Variants in SPMIP2 observed in about 807,000 individuals in gnomAD.
SPMIP2 encodes the protein sperm microtubule inner protein 2, also known as protein SPMIP2.
chr4:158,972,205 T>C, the SPMIP2 span, among the ~76,000 whole-genome samples: 5 of 152,056 alleles, frequency 3.3e-5, no homozygotes, highest in Non-Finnish European at 7.4e-5. Context: ...CTACTAAAAA[T>C]ACAAAAATTA....
At chr4:159,082,584 A>G in the SPMIP2 span, among the ~76,000 whole-genome samples, 1 of 152,024 alleles carries the variant, frequency 6.6e-6, no homozygotes, top group Admixed American at 6.6e-5. Context: ...TAAGAAAGGC[A>G]TTTGATGACA....
chr4:159,044,121 A>G, the SPMIP2 span, among the ~76,000 whole-genome samples: 1 of 152,108 alleles, frequency 6.6e-6, no homozygotes, highest in African/African-American at 2.4e-5. Flanking sequence ...CAAGATTTTT[A>G]AACTTAATCA....
the SPMIP2 span, among the ~76,000 whole-genome samples, chr4:158,895,210 A>G: frequency 6.6e-6 from 1 of 152,230 alleles, no homozygotes; most frequent in Non-Finnish European, 1.5e-5. Flanking sequence ...CAAAAGAAAA[A>G]AAAGTTGTGG....
At chr4:159,066,536 A>G in the SPMIP2 span, among the ~76,000 whole-genome samples, 1 of 151,134 alleles carries the variant, frequency 6.6e-6, no homozygotes, top group African/African-American at 2.4e-5. Context: ...ATGTATGTAT[A>G]CATGTATTAC....
chr4:158,937,848 A>G, the SPMIP2 span, among the ~76,000 whole-genome samples: 1 of 152,238 alleles, frequency 6.6e-6, no homozygotes, highest in Non-Finnish European at 1.5e-5. Flanking sequence ...TGAAATGGGT[A>G]CTAAGAGGTT....
At chr4:159,060,482 G>GA in the SPMIP2 span, among the ~76,000 whole-genome samples, 6 of 152,176 alleles carry the variant, frequency 3.9e-5, no homozygotes, top group Admixed American at 1.3e-4. Context: ...GACTACACAG[G>GA]AAAAATGATT....
At chr4:158,915,365 A>T in the SPMIP2 span, 2 of 1,604,120 alleles carry the variant, frequency 1.2e-6, no homozygotes, top group African/African-American at 2.7e-5. Context: ...GTTGCCTGGA[A>T]TAGGAACAAA....
chr4:158,904,355 A>G, the SPMIP2 span: 3 of 925,008 alleles, frequency 3.2e-6, no homozygotes, highest in Non-Finnish European at 5.0e-6. Flanking sequence ...TTAAATGATA[A>G]TCTATCAAAC....
the SPMIP2 span, among the ~76,000 whole-genome samples, chr4:158,987,330 C>T: frequency 6.6e-6 from 1 of 152,124 alleles, no homozygotes; most frequent in Admixed American, 6.6e-5. Flanking sequence ...GACACATGCA[C>T]ACATATGTTT....
chr4:158,924,541 G>A, the SPMIP2 span, among the ~76,000 whole-genome samples: 1 of 152,056 alleles, frequency 6.6e-6, no homozygotes, highest in Non-Finnish European at 1.5e-5. Flanking sequence ...CACCATGCCT[G>A]GCTAATTTTT....
the SPMIP2 span, among the ~76,000 whole-genome samples, chr4:159,066,915 C>G: frequency 6.6e-6 from 1 of 152,102 alleles, no homozygotes; most frequent in Non-Finnish European, 1.5e-5. Context: ...TGTAAACAAA[C>G]GGGCATGTTT....
At chr4:158,973,216 T>C in the SPMIP2 span, 70 of 1,613,826 alleles carry the variant, frequency 4.3e-5, no homozygotes, top group African/African-American at 7.3e-4. Flanking sequence ...CATAAATATC[T>C]GAGATCTCCA....
At chr4:158,975,729 T>C in the SPMIP2 span, among the ~76,000 whole-genome samples, 1 of 152,152 alleles carries the variant, frequency 6.6e-6, no homozygotes, top group Non-Finnish European at 1.5e-5. Flanking sequence ...AGTCAGGTAG[T>C]GTAATGTCTC....
At chr4:158,894,462 A>G in the SPMIP2 span, among the ~76,000 whole-genome samples, 1 of 152,128 alleles carries the variant, frequency 6.6e-6, no homozygotes, top group Non-Finnish European at 1.5e-5. Context: ...GTGAGCCACT[A>G]TGACTGGCTA....
At chr4:158,976,082 A>G in the SPMIP2 span, among the ~76,000 whole-genome samples, 8 of 152,002 alleles carry the variant, frequency 5.3e-5, no homozygotes, top group Non-Finnish European at 1.0e-4. Flanking sequence ...GAGTTCACTC[A>G]TGATTTGGCT....
the SPMIP2 span, among the ~76,000 whole-genome samples, chr4:158,989,776 C>T: frequency 6.6e-6 from 1 of 152,278 alleles, no homozygotes; most frequent in East Asian, 1.9e-4. Flanking sequence ...ACCATAAAAT[C>T]CCTAGAAGAA....
chr4:159,061,040 GC>G, the SPMIP2 span, among the ~76,000 whole-genome samples: 1 of 150,404 alleles, frequency 6.6e-6, no homozygotes, highest in Non-Finnish European at 1.5e-5. Flanking sequence ...AGCTAAGACT[GC>G]ACCACTGCAC....
At chr4:159,061,277 G>A in the SPMIP2 span, among the ~76,000 whole-genome samples, 2 of 151,806 alleles carry the variant, frequency 1.3e-5, no homozygotes, top group Admixed American at 1.3e-4. Flanking sequence ...GTGAGAGCTG[G>A]CCCCAGTCCT....
At chr4:159,053,994 GA>G in the SPMIP2 span, among the ~76,000 whole-genome samples, 12 of 152,062 alleles carry the variant, frequency 7.9e-5, no homozygotes, top group African/African-American at 2.9e-4. Flanking sequence ...TTTTTAAAGA[GA>G]TGGAATCTTG....
Sources: allele counts gnomAD v4.1 joint callset (sites outside exome capture counted in the v4.1 genomes callset), GRCh38; gene constraint gnomAD v4.1.1; transcripts MANE v1.5; gene names NCBI Gene and HGNC (gene_info 2026-07-23, HGNC 2026-07-21).